Variants in SHROOM4 observed in about 807,000 individuals in gnomAD.
The protein encoded by SHROOM4 is protein Shroom4.
A neutral mutation model predicts 80.3 loss-of-function variants in SHROOM4; 17 were observed. That is an observed-to-expected ratio of 0.21 (90% CI 0.14 to 0.32). SHROOM4 has a LOEUF of 0.32. SHROOM4 is among the 10% of genes least tolerant of loss of function. The pLI is 1.00. For synonymous variants in SHROOM4, 400 were observed against 437.5 expected, an observed-to-expected ratio of 0.91 and a Z score of 1.07; for missense variants, 993 against 1,140.3, an observed-to-expected ratio of 0.87 and a Z score of 1.86.
In SHROOM4 at chrX:50,611,150, T is replaced by C. The variant is rs1044074429; in HGVS notation, c.2958-2966A>G. 5.5e-4 allele frequency among the ~76,000 whole-genome samples: 48 copies of C among 86,921 alleles called. 1 individual carries two copies. Among genetic ancestry groups the C allele is most frequent in the South Asian group, 5.3e-3 (8 of 1,510 alleles). 75.5% of individuals were successfully genotyped at this position (86,921 alleles called of 115,157 possible). A position where few individuals can be genotyped will look rare whatever the true frequency, so the allele number is the denominator to read the frequency against. On this transcript the variant is annotated intron_variant, in intron 5 of 8. Coordinates refer to ENST00000376020, the MANE Select transcript of SHROOM4 (RefSeq NM_020717.5). ...GACCATATTTTCTTTTTTTCTTTTT[T>C]TTTTTTTTTTTTTTTTGAGACGGAG...
intron 1 of SHROOM4, among the ~76,000 whole-genome samples, chrX:50,808,769 AT>A (rs1413927031): frequency 2.7e-5 from 3 of 110,535 alleles, no homozygotes; most frequent in Admixed American, 1.9e-4. Flanking sequence ...AATCATTTTA[AT>A]TTTTTTAAGG....
intron 2 of SHROOM4, among the ~76,000 whole-genome samples, chrX:50,652,421 GT>G (rs782783352): frequency 9.1e-6 from 1 of 110,140 alleles, no homozygotes; most frequent in Non-Finnish European, 1.9e-5. Flanking sequence ...TTTTTGATGG[GT>G]TTTTTTTCTT....
rs1180967650 is a variant in SHROOM4 at position 50,587,808 on chromosome X, A to G, written c.*8887T>C. On this transcript the variant is annotated 3_prime_UTR_variant, in exon 9 of 9. Coordinates refer to ENST00000376020, the MANE Select transcript of SHROOM4 (RefSeq NM_020717.5). ...TTTGTTTAACTTACAAACAGCAAAA[A>G]TGCTACCACAATTCTGAATTTTGAT... is the stretch of plus-strand genomic sequence containing the variant. Among the ~76,000 whole-genome samples, 2 of 112,311 alleles carry G rather than the reference A, an allele frequency of 1.8e-5. No individual in the cohort carries two copies. The highest frequency in any genetic ancestry group is 3.8e-5 in the Non-Finnish European group (2 of 53,239).
intron 1 of SHROOM4, among the ~76,000 whole-genome samples, chrX:50,728,142 G>A (rs1353570668): frequency 5.4e-5 from 6 of 110,625 alleles, no homozygotes; most frequent in Non-Finnish European, 9.4e-5. Context: ...GGCGGTTCAC[G>A]AAGTCAGGAG....
intron 2 of SHROOM4, among the ~76,000 whole-genome samples, chrX:50,695,054 T>C (rs142429623): frequency 0.031 from 3,491 of 111,308 alleles, 146 homozygotes; most frequent in African/African-American, 0.11. Context: ...ATGCTTTTGG[T>C]GGTAGCAGAA....
At chrX:50,764,206 T>C (rs1310383997) in intron 1 of SHROOM4, among the ~76,000 whole-genome samples, 3 of 111,129 alleles carry the variant, frequency 2.7e-5, no homozygotes, top group African/African-American at 9.8e-5. Flanking sequence ...CTAAGTGATA[T>C]CACCCTATAA....
intron 5 of SHROOM4, among the ~76,000 whole-genome samples, chrX:50,613,675 AAAG>A (rs1930095620): frequency 8.9e-6 from 1 of 112,180 alleles, no homozygotes; most frequent in African/African-American, 3.2e-5. Context: ...CACATAAATG[AAAG>A]GACTCACAAT....
chrX:50,795,113 T>TA (rs2067922950), intron 1 of SHROOM4, among the ~76,000 whole-genome samples: 1 of 41,046 alleles, frequency 2.4e-5, no homozygotes, highest in African/African-American at 1.4e-4. Context: ...TATATATATA[T>TA]GATATATATA....
intron 1 of SHROOM4, among the ~76,000 whole-genome samples, chrX:50,741,835 A>G (rs1204068307): frequency 9.0e-6 from 1 of 110,847 alleles, no homozygotes; most frequent in Non-Finnish European, 1.9e-5. Context: ...ATATTACTTC[A>G]TCTAGTGAAA....
intron 2 of SHROOM4, among the ~76,000 whole-genome samples, chrX:50,675,786 A>G (rs782452700): frequency 9.0e-6 from 1 of 111,518 alleles, no homozygotes; most frequent in Non-Finnish European, 1.9e-5. Context: ...GCAAAGTCCA[A>G]TGTTCCTTTT....
intron 1 of SHROOM4, among the ~76,000 whole-genome samples, chrX:50,721,285 G>A (rs1201438012): frequency 8.9e-6 from 1 of 112,613 alleles, no homozygotes; most frequent in Non-Finnish European, 1.9e-5. Context: ...GTTAAAGCAA[G>A]TTTATTAAGG....
intron 1 of SHROOM4, among the ~76,000 whole-genome samples, chrX:50,788,769 T>C (rs1323678867): frequency 8.9e-6 from 1 of 111,913 alleles, no homozygotes; most frequent in Non-Finnish European, 1.9e-5. Context: ...AACTATATGC[T>C]GTCTATAAGA....
At chrX:50,615,353 C>A (rs1021719540) in intron 5 of SHROOM4, among the ~76,000 whole-genome samples, 1 of 110,785 alleles carries the variant, frequency 9.0e-6, no homozygotes, top group Non-Finnish European at 1.9e-5. Flanking sequence ...CTTCTCTTTC[C>A]GCCTCTTTAT....
rs1055639018 is a variant in SHROOM4, at chrX:50,598,459, T to C, written c.4019A>G (p.Asn1340Ser). The change falls in exon 8 of 9, where the codon AAT becomes AGT. Residue 1340 changes from asparagine (N) to serine (S), a missense_variant. Coordinates refer to ENST00000376020, the MANE Select transcript of SHROOM4 (RefSeq NM_020717.5). ...CTCCTCCCCAAGGGCAGAATTGGCA[T>C]TGATGTCCTCTAGCAGCCCTCGCTG... is the stretch of plus-strand genomic sequence containing the variant. ...EAQRGLLEDINANSALGEEVE... is the reference protein window; with the variant it reads ...EAQRGLLEDISANSALGEEVE... 5 of 1,208,876 alleles carry C rather than the reference T, an allele frequency of 4.1e-6. No homozygotes were observed. The highest frequency in any genetic ancestry group is 3.5e-5 in the African/African-American group (2 of 57,824).
At chrX:50,787,027 G>A (rs1178465427) in intron 1 of SHROOM4, among the ~76,000 whole-genome samples, 6 of 110,418 alleles carry the variant, frequency 5.4e-5, no homozygotes, top group Admixed American at 9.6e-5. Context: ...GACCAGCCTC[G>A]GCAACATAGT....
chrX:50,628,669 C>T (rs1005395507), intron 4 of SHROOM4, among the ~76,000 whole-genome samples: 12 of 111,738 alleles, frequency 1.1e-4, no homozygotes, highest in Admixed American at 1.9e-4. Context: ...AGATCCTTGG[C>T]GCAGTCTCAC....
At chrX:50,758,638 C>T (rs781936376) in intron 1 of SHROOM4, among the ~76,000 whole-genome samples, 13 of 111,838 alleles carry the variant, frequency 1.2e-4, no homozygotes, top group Non-Finnish European at 1.9e-4. Flanking sequence ...TAGATTTTTG[C>T]ATCTATTTTC....
At chrX:50,676,950 G>C (rs1557261362) in intron 2 of SHROOM4, among the ~76,000 whole-genome samples, 2 of 111,833 alleles carry the variant, frequency 1.8e-5, no homozygotes, top group Non-Finnish European at 3.8e-5. Context: ...TAAAGAAAGA[G>C]AGAAACGGGA....
intron 1 of SHROOM4, among the ~76,000 whole-genome samples, chrX:50,751,660 T>C (rs782287428): frequency 1.8e-5 from 2 of 112,162 alleles, no homozygotes; most frequent in Non-Finnish European, 3.8e-5. Context: ...ACCTTAGAAC[T>C]GTTCCTGATC....
Sources: gnomAD v4.1 joint callset for allele counts (sites outside exome capture counted in the v4.1 genomes callset) on GRCh38, gnomAD v4.1.1 for gene constraint, MANE v1.5 for transcripts, NCBI Gene and HGNC (gene_info 2026-07-23, HGNC 2026-07-21) for gene names.